The following ARHGAP32 variants were observed in gnomAD, a reference collection of about 807,000 sequenced individuals.
ARHGAP32 encodes the protein rho GTPase-activating protein 32.
ARHGAP32 carries 51 observed loss-of-function variants against 186.5 expected under a neutral mutation model. The observed-to-expected ratio is 0.27, with a 90% confidence interval of 0.22 to 0.35. ARHGAP32 has a LOEUF of 0.35. ARHGAP32 is among the 10% of genes least tolerant of loss of function. ARHGAP32 has a pLI of 1.00. For synonymous variants in ARHGAP32, 950 were observed against 964.3 expected, an observed-to-expected ratio of 0.99 and a Z score of 0.27; for missense variants, 2,186 against 2,623.5, an observed-to-expected ratio of 0.83 and a Z score of 3.64.
intron 1 of ARHGAP32, among the ~76,000 whole-genome samples, chr11:129,242,535 A>G (rs910142261): frequency 3.3e-5 from 5 of 151,890 alleles, no homozygotes; most frequent in Admixed American, 3.3e-4. Context: ...TGGCTAACAC[A>G]GTGAAACCCT....
chr11:129,024,708 C>A (rs2134917842), intron 11 of ARHGAP32, among the ~76,000 whole-genome samples: 1 of 152,320 alleles, frequency 6.6e-6, no homozygotes, highest in South Asian at 2.1e-4. Flanking sequence ...GTACAACCTT[C>A]TCCTTCATAC....
chr11:129,024,310 T>C (rs559366279), intron 11 of ARHGAP32: 26 of 224,882 alleles, frequency 1.2e-4, no homozygotes, highest in Admixed American at 1.9e-4. Context: ...AACACCAGTA[T>C]GAAATTGATA....
chr11:129,237,698 A>C (rs1401079165), intron 1 of ARHGAP32, among the ~76,000 whole-genome samples: 1 of 152,170 alleles, frequency 6.6e-6, no homozygotes, highest in Non-Finnish European at 1.5e-5. Context: ...AGGGCAACAA[A>C]GTGATAGGAG....
At chr11:129,225,871 A>G (rs1944774209) in intron 1 of ARHGAP32, among the ~76,000 whole-genome samples, 1 of 152,184 alleles carries the variant, frequency 6.6e-6, no homozygotes, top group Non-Finnish European at 1.5e-5. Flanking sequence ...CTGTGCAAAG[A>G]AAGTATGAGA....
chr11:128,988,860 T>C (rs945986905), intron 12 of ARHGAP32, among the ~76,000 whole-genome samples: 1 of 152,234 alleles, frequency 6.6e-6, no homozygotes, highest in Non-Finnish European at 1.5e-5. Context: ...TCAAAATATA[T>C]GATAAAGCAT....
chr11:129,117,774 T>G (rs188297735), intron 5 of ARHGAP32, among the ~76,000 whole-genome samples: 4 of 151,934 alleles, frequency 2.6e-5, no homozygotes, highest in Non-Finnish European at 5.9e-5. Flanking sequence ...TTTCCCCCCC[T>G]ACACACTAGA....
At chr11:129,173,793 C>T (rs1943828288) in intron 1 of ARHGAP32, among the ~76,000 whole-genome samples, 1 of 152,056 alleles carries the variant, frequency 6.6e-6, no homozygotes, top group African/African-American at 2.4e-5. Context: ...AAGCATCACA[C>T]TTAACATTGA....
intron 10 of ARHGAP32, 143 bp downstream of exon 10, chr11:129,062,137 A>C (rs1319042281): frequency 2.6e-5 from 17 of 657,780 alleles, no homozygotes; most frequent in Admixed American, 2.2e-4. Context: ...TAAATCTATT[A>C]TCATTACTAT....
At chr11:129,264,377 G>T (rs887300423) in intron 1 of ARHGAP32, among the ~76,000 whole-genome samples, 1 of 152,064 alleles carries the variant, frequency 6.6e-6, no homozygotes, top group African/African-American at 2.4e-5. Flanking sequence ...CTAAGATAGC[G>T]AATTTTATTT....
At chr11:129,239,272 CCTAA>C (rs1437422110) in intron 1 of ARHGAP32, among the ~76,000 whole-genome samples, 2 of 152,266 alleles carry the variant, frequency 1.3e-5, no homozygotes, top group Admixed American at 6.5e-5. Flanking sequence ...TTATTTTATA[CCTAA>C]CTTTTTTTGT....
chr11:128,990,466 A>G (rs978145928), intron 12 of ARHGAP32, among the ~76,000 whole-genome samples: 1 of 152,166 alleles, frequency 6.6e-6, no homozygotes, highest in Non-Finnish European at 1.5e-5. Flanking sequence ...AATGGTCATT[A>G]TCTGGTCAAG....
intron 1 of ARHGAP32, among the ~76,000 whole-genome samples, chr11:129,221,349 A>C (rs1341692525): frequency 1.3e-5 from 2 of 152,174 alleles, no homozygotes; most frequent in Non-Finnish European, 2.9e-5. Flanking sequence ...TTAATGAATA[A>C]GAACAAATTT....
At chr11:129,003,275 T>C (rs894131422) in intron 11 of ARHGAP32, among the ~76,000 whole-genome samples, 1 of 152,234 alleles carries the variant, frequency 6.6e-6, no homozygotes, top group Non-Finnish European at 1.5e-5. Context: ...TAATGTGTTA[T>C]TGAATTCAGT....
intron 2 of ARHGAP32, among the ~76,000 whole-genome samples, chr11:129,128,997 G>T (rs968769520): frequency 5.3e-5 from 8 of 152,272 alleles, no homozygotes; most frequent in Middle Eastern, 3.4e-3. Flanking sequence ...CCTCTGCCTG[G>T]CCGCCACCCC....
intron 11 of ARHGAP32, among the ~76,000 whole-genome samples, chr11:129,004,368 C>A (rs1420673532): frequency 1.3e-5 from 2 of 149,690 alleles, no homozygotes; most frequent in Admixed American, 1.4e-4. Flanking sequence ...GATGAAGTGT[C>A]CTGTAAATAT....
intron 11 of ARHGAP32, among the ~76,000 whole-genome samples, chr11:129,019,548 A>G (rs560788612): frequency 6.6e-6 from 1 of 152,146 alleles, no homozygotes; most frequent in Non-Finnish European, 1.5e-5. Context: ...CTTAAATGTA[A>G]TAAGTTATCA....
At chr11:129,254,774 G>C (rs1437454897) in intron 1 of ARHGAP32, among the ~76,000 whole-genome samples, 1 of 152,098 alleles carries the variant, frequency 6.6e-6, no homozygotes, top group Non-Finnish European at 1.5e-5. Context: ...TTAAGTATCA[G>C]CACACTGAAA....
chr11:129,210,717 C>A (rs1055803125), intron 1 of ARHGAP32, among the ~76,000 whole-genome samples: 4 of 152,214 alleles, frequency 2.6e-5, no homozygotes, highest in Non-Finnish European at 5.9e-5. Context: ...ATTAACCACT[C>A]AACTATTTCC....
chr11:129,210,234 T>A (rs1416056970), intron 1 of ARHGAP32, among the ~76,000 whole-genome samples: 1 of 152,238 alleles, frequency 6.6e-6, no homozygotes, highest in Non-Finnish European at 1.5e-5. Context: ...TTCATACATT[T>A]GACTATTTCC....
Sources: allele counts gnomAD v4.1 joint callset (sites outside exome capture counted in the v4.1 genomes callset), GRCh38; gene constraint gnomAD v4.1.1; transcripts MANE v1.5; gene names NCBI Gene and HGNC (gene_info 2026-07-23, HGNC 2026-07-21).